AGBL1: variants seen among roughly 807,000 people sequenced by gnomAD.
AGBL1 encodes the protein cytosolic carboxypeptidase 4.
In AGBL1, 130 loss-of-function variants were observed where a neutral mutation model predicts 118.9. That is an observed-to-expected ratio of 1.09 (90% CI 0.95 to 1.26). AGBL1 has a LOEUF of 1.26. AGBL1 is among the 50% of genes most tolerant of loss of function. AGBL1 has a pLI of 0.00. For missense variants in AGBL1, 1,584 were observed against 1,298.1 expected (o/e 1.22, Z -3.38); for synonymous variants, 555 against 478.9 (o/e 1.16, Z -2.08).
chr15:86,938,667 G>A (rs917031883), intron 23 of AGBL1: 2 of 152,188 alleles, frequency 1.3e-5, no homozygotes, highest in East Asian at 1.9e-4. Flanking sequence ...AGAAAGCAAG[G>A]TATGAGGTTT....
chr15:86,275,442 A>T (rs1301861784), intron 15 of AGBL1, among the ~76,000 whole-genome samples: 1 of 152,182 alleles, frequency 6.6e-6, no homozygotes. Flanking sequence ...AAATGAAATG[A>T]TACACCCTTG....
intron 1 of AGBL1, among the ~76,000 whole-genome samples, chr15:86,128,473 A>T (rs958402501): frequency 5.3e-5 from 8 of 152,238 alleles, no homozygotes; most frequent in Admixed American, 3.3e-4. Flanking sequence ...AATTCTGGAG[A>T]TATGTGCAAA....
intron 18 of AGBL1, among the ~76,000 whole-genome samples, chr15:86,414,989 G>A (rs190795958): frequency 1.3e-5 from 2 of 152,288 alleles, no homozygotes; most frequent in Admixed American, 1.3e-4. Flanking sequence ...GTTGTGTTGA[G>A]TTCTTGGGAA....
At chr15:86,935,986 T>A (rs1235904366) in intron 23 of AGBL1, among the ~76,000 whole-genome samples, 1 of 152,218 alleles carries the variant, frequency 6.6e-6, no homozygotes, top group Non-Finnish European at 1.5e-5. Flanking sequence ...AGGAGAGACT[T>A]GTCCTGTCCT....
At chr15:86,163,727 C>CA (rs112569129) in intron 5 of AGBL1, among the ~76,000 whole-genome samples, 14,592 of 145,566 alleles carry the variant, frequency 0.1, 1,852 homozygotes, top group African/African-American at 0.3. Flanking sequence ...GATTCTGTCT[C>CA]AAAAAAAAAT....
chr15:86,445,972 G>A (rs766756209), intron 18 of AGBL1, among the ~76,000 whole-genome samples: 10 of 152,102 alleles, frequency 6.6e-5, no homozygotes, highest in African/African-American at 2.2e-4. Flanking sequence ...CCATCATGTC[G>A]GCTTCCTCAG....
At chr15:86,289,518 G>A (rs12904524) in intron 16 of AGBL1, among the ~76,000 whole-genome samples, 40,708 of 152,046 alleles carry the variant, frequency 0.27, 5,628 homozygotes, top group Middle Eastern at 0.32. Context: ...AGGTAATGAT[G>A]TTTTTATGTG....
chr15:86,824,775 A>G (rs967354832), intron 22 of AGBL1, among the ~76,000 whole-genome samples: 4 of 152,074 alleles, frequency 2.6e-5, no homozygotes, highest in African/African-American at 9.7e-5. Flanking sequence ...ATTCAGAACT[A>G]GGTCTGGTAT....
intron 21 of AGBL1, among the ~76,000 whole-genome samples, chr15:86,604,399 A>G (rs569002763): frequency 3.3e-5 from 5 of 152,336 alleles, no homozygotes; most frequent in East Asian, 1.9e-4. Context: ...CTAAATTTTC[A>G]TCGAGGTTAT....
chr15:86,640,007 G>T (rs1226714015), intron 21 of AGBL1, among the ~76,000 whole-genome samples: 4 of 152,158 alleles, frequency 2.6e-5, no homozygotes, highest in African/African-American at 9.7e-5. Context: ...ATTTTTTCCA[G>T]TGGACTGGTG....
intron 1 of AGBL1, among the ~76,000 whole-genome samples, chr15:86,127,640 C>T (rs1031872020): frequency 6.6e-6 from 1 of 152,234 alleles, no homozygotes; most frequent in African/African-American, 2.4e-5. Context: ...TATCTATCTT[C>T]CAGAGCCATT....
chr15:86,754,293 T>A (rs1011441893), intron 22 of AGBL1, among the ~76,000 whole-genome samples: 15 of 152,140 alleles, frequency 9.9e-5, no homozygotes, highest in Admixed American at 8.5e-4. Flanking sequence ...ATATCTTGCT[T>A]GCCCAGCTAG....
intron 6 of AGBL1, among the ~76,000 whole-genome samples, chr15:86,244,225 A>G (rs1385423420): frequency 6.6e-6 from 1 of 152,122 alleles, no homozygotes; most frequent in African/African-American, 2.4e-5. Context: ...TCTCTTCCAA[A>G]GAGGGGGACT....
At chr15:86,162,745 C>T (rs1209605114) in intron 5 of AGBL1, among the ~76,000 whole-genome samples, 1 of 152,206 alleles carries the variant, frequency 6.6e-6, no homozygotes, top group African/African-American at 2.4e-5. Context: ...GCCTCAGCTT[C>T]CCTTTCCAGA....
intron 22 of AGBL1, among the ~76,000 whole-genome samples, chr15:86,677,107 A>G (rs958967136): frequency 6.6e-6 from 1 of 152,206 alleles, no homozygotes; most frequent in Non-Finnish European, 1.5e-5. Flanking sequence ...GTGATCAGCC[A>G]GGAAGACAAA....
At chr15:86,801,781 G>C (rs2078653441) in intron 22 of AGBL1, among the ~76,000 whole-genome samples, 1 of 152,078 alleles carries the variant, frequency 6.6e-6, no homozygotes, top group African/African-American at 2.4e-5. Context: ...AAACCAGTTG[G>C]AATGCCCTGG....
At chr15:86,509,478 G>A (rs926145562) in intron 18 of AGBL1, among the ~76,000 whole-genome samples, 1 of 152,088 alleles carries the variant, frequency 6.6e-6, no homozygotes. Context: ...AATCTTGAAT[G>A]TCAGCCAAAG....
intron 19 of AGBL1, among the ~76,000 whole-genome samples, chr15:86,523,784 C>T (rs78668239): frequency 6.6e-6 from 1 of 152,244 alleles, no homozygotes; most frequent in Non-Finnish European, 1.5e-5. Flanking sequence ...TAGTACTATA[C>T]AATTGATTGA....
At chr15:87,013,533 GT>G (rs59336861) in intron 24 of AGBL1, among the ~76,000 whole-genome samples, 32,031 of 149,804 alleles carry the variant, frequency 0.21, 3,572 homozygotes, top group East Asian at 0.43. Context: ...TTTTTGAATA[GT>G]TTTTTTTTTT....
Sources: gnomAD v4.1 joint callset for allele counts (sites outside exome capture counted in the v4.1 genomes callset) on GRCh38, gnomAD v4.1.1 for gene constraint, MANE v1.5 for transcripts, NCBI Gene and HGNC (gene_info 2026-07-23, HGNC 2026-07-21) for gene names.